The following FSCN1 variants were observed in gnomAD, a reference collection of about 807,000 sequenced individuals.
The protein encoded by FSCN1 is fascin.
FSCN1 carries 10 observed loss-of-function variants against 39.7 expected under a neutral mutation model. The observed-to-expected ratio is 0.25, with a 90% CI of 0.16 to 0.43. The LOEUF is 0.43. FSCN1 is among the 20% of genes least tolerant of loss of function. The pLI is 1.00. For missense variants in FSCN1, 525 were observed against 723.8 expected (o/e 0.73, Z 3.15); for synonymous variants, 322 against 320.0 (o/e 1.01, Z -0.07).
At chr7:5,594,562 C>T (rs1204881136) in intron 1 of FSCN1, 1 of 152,372 alleles carries the variant, frequency 6.6e-6, no homozygotes, top group Non-Finnish European at 1.5e-5. Context: ...TTGCGGTTCA[C>T]CCCTGCAGAG....
In FSCN1 at chr7:5,603,211, A is replaced by AG; in HGVS notation, c.833-41dup. 1 of 1,602,188 alleles carries AG rather than the reference A, an allele frequency of 6.2e-7. No individual in the cohort carries two copies. The highest frequency in any genetic ancestry group is 1.1e-5 in the South Asian group (1 of 90,598). On this transcript the variant is annotated intron_variant, in intron 1 of 4. Transcript: ENST00000382361. This position sits in a 1 kb window ranked among gnomAD's most constrained non-coding sequence, Gnocchi z 8.5. Reference sequence around the variant, plus strand: ...CTCAGGGCTATGGTCTGCCAGAACTAGGGGGCGTGGGGCCCCAGTACCAGC... The same window carrying AG: ...CTCAGGGCTATGGTCTGCCAGAACTAGGGGGGCGTGGGGCCCCAGTACCAGC...
intron 1 of FSCN1, among the ~76,000 whole-genome samples, chr7:5,600,306 C>G (rs1221674319): frequency 2.0e-5 from 3 of 151,398 alleles, no homozygotes; most frequent in African/African-American, 7.3e-5. Context: ...CCCAGCTACT[C>G]AGGAGGCTGA....
intron 1 of FSCN1, among the ~76,000 whole-genome samples, chr7:5,596,698 C>T (rs1018356265): frequency 1.3e-5 from 2 of 152,306 alleles, no homozygotes; most frequent in African/African-American, 4.8e-5. Flanking sequence ...TGGGACATGC[C>T]CTCTCCCAGC....
chr7:5,601,703 G>C (rs141600803), intron 1 of FSCN1, among the ~76,000 whole-genome samples: 68 of 152,200 alleles, frequency 4.5e-4, no homozygotes, highest in Admixed American at 9.8e-4. Flanking sequence ...AACTTGATGT[G>C]GTGGTGTGTG....
rs1785886353 is a variant in FSCN1, at chr7:5,604,133, G to A, written c.1279+103G>A. The A allele has an allele frequency of 4.5e-6, 5 of 1,120,754 alleles. No homozygotes were observed. The Admixed American group carries it at 8.7e-5, about 20-fold the overall frequency. The allele number at this position is 1,120,754 out of a possible 1,614,324, so 69.4% of individuals were successfully genotyped here. A position where few individuals can be genotyped will look rare whatever the true frequency, so the allele number is the denominator to read the frequency against. ...CTGCATCCACACTGGACCCTGGCTT[G>A]GCTCAGGGCCATTCCAGGCCCTAAA... On this transcript the variant is annotated intron_variant, in intron 4 of 4. Transcript: ENST00000382361.
rs894621815 is a variant in FSCN1, at chr7:5,599,600, C to T, written c.833-3657C>T. Reference sequence around the variant, plus strand: ...GCAAAGGTGGGAGGACTGCTTGAGTCCTGGAGTTTGGGCAACATAGCGAGA... The same window carrying T: ...GCAAAGGTGGGAGGACTGCTTGAGTTCTGGAGTTTGGGCAACATAGCGAGA... On this transcript the variant is annotated intron_variant, in intron 1 of 4. Coordinates refer to ENST00000382361, the MANE Select transcript of FSCN1 (RefSeq NM_003088.4). This position sits in a 1 kb window ranked among gnomAD's most constrained non-coding sequence, Gnocchi z 5.6. Among the ~76,000 whole-genome samples, 1 of 151,856 alleles carries T rather than the reference C, an allele frequency of 6.6e-6. No homozygotes were observed. Among genetic ancestry groups the T allele is most frequent in the African/African-American group, 2.4e-5 (1 of 41,318 alleles).
At chr7:5,593,859 C>A in intron 1 of FSCN1, 91 bp downstream of exon 1, 1 of 916,386 alleles carries the variant, frequency 1.1e-6, no homozygotes, top group Non-Finnish European at 1.6e-6. Flanking sequence ...TTCTCGCTCG[C>A]GGCGCCGCTG....
rs551924288 is a variant in FSCN1 at position 5,596,367 on chromosome 7, C to T, written c.832+2599C>T. Among the ~76,000 whole-genome samples the T allele has an allele frequency of 3.3e-5, 5 of 152,336 alleles. No individual in the cohort carries two copies. In the East Asian group the frequency reaches 5.8e-4, roughly 18 times the overall value. ...CCTTTGAAAAACGCTGCGCCCTGCT[C>T]TTCAGCCTCAGTTTCCCCATCTGTA... is the stretch of plus-strand genomic sequence containing the variant. On this transcript the variant is annotated intron_variant, in intron 1 of 4. Coordinates refer to ENST00000382361, the MANE Select transcript of FSCN1 (RefSeq NM_003088.4).
chr7:5,597,698 AAAAC>A (rs1484688181), intron 1 of FSCN1, among the ~76,000 whole-genome samples: 13 of 151,554 alleles, frequency 8.6e-5, no homozygotes, highest in Non-Finnish European at 1.6e-4. Context: ...AAAAACAACC[AAAAC>A]AAACAAACAA....
At position 5,592,919 on chromosome 7, in the gene FSCN1, C is replaced by T. The variant is rs113466135; in HGVS notation, c.-18C>T. On this transcript the variant is annotated 5_prime_UTR_variant, in exon 1 of 5. Coordinates refer to ENST00000382361, the MANE Select transcript of FSCN1 (RefSeq NM_003088.4). The surrounding 1 kb of genome is among the most constrained non-coding windows in gnomAD (Gnocchi z 5.3). ...CCACCTCCCGGGGCCGCGCAGCGGC[C>T]TCTCGTCTACTGCCACCATGACCGC... 44,581 of 1,449,994 alleles carry T rather than the reference C, an allele frequency of 0.031. 855 individuals are homozygous for T. Among genetic ancestry groups the T allele is most frequent in the Non-Finnish European group, 0.037 (40,293 of 1,092,814 alleles). The allele number at this position is 1,449,994 out of a possible 1,614,324, so 89.8% of individuals were successfully genotyped here.
chr7:5,596,939 G>A (rs1379365171), intron 1 of FSCN1, among the ~76,000 whole-genome samples: 1 of 152,214 alleles, frequency 6.6e-6, no homozygotes, highest in Admixed American at 6.5e-5. Flanking sequence ...TGGAAGGAGT[G>A]CCTGTTTTGA....
At position 5,605,235 on chromosome 7, in the gene FSCN1, A is replaced by G; in HGVS notation, c.1280-37A>G. ...CTGCCCAGGGTAGGGGTGGGGAGCC[A>G]GGCTTTGGGCCCCACTTGATAAAGT... is the stretch of plus-strand genomic sequence containing the variant. On this transcript the variant is annotated intron_variant, in intron 4 of 4. Coordinates refer to ENST00000382361, the MANE Select transcript of FSCN1 (RefSeq NM_003088.4). This position sits in a 1 kb window ranked among gnomAD's most constrained non-coding sequence, Gnocchi z 6.9. 6.5e-7 allele frequency: 1 copy of G among 1,529,188 alleles called. No homozygotes were observed. Among genetic ancestry groups the G allele is most frequent in the Non-Finnish European group, 9.0e-7 (1 of 1,105,064 alleles). The allele number at this position is 1,529,188 out of a possible 1,614,324, so 94.7% of individuals were successfully genotyped here.
intron 1 of FSCN1, 75 bp downstream of exon 1, chr7:5,593,843 C>G: frequency 6.0e-6 from 6 of 1,004,914 alleles, no homozygotes; most frequent in Non-Finnish European, 8.5e-6. Flanking sequence ...TCCAGCCTCC[C>G]GCCCTTTCTC....
rs201344792 is a variant in FSCN1, at chr7:5,603,484, G to A, written c.990-12G>A. On this transcript the variant is annotated splice_polypyrimidine_tract_variant and intron_variant, in intron 2 of 4. Transcript: ENST00000382361. The surrounding 1 kb of genome is among the most constrained non-coding windows in gnomAD (Gnocchi z 8.5). ...GGGCTACCCCGCCTGACCCTGTCCCGCCATCCCCCAGGAATGCCAGCTGCT... is the reference window on the plus strand; with the variant it reads ...GGGCTACCCCGCCTGACCCTGTCCCACCATCCCCCAGGAATGCCAGCTGCT... 1.1e-4 allele frequency: 175 copies of A among 1,613,988 alleles called. 1 individual carries two copies. The African/African-American group carries it at 1.8e-3, about 17-fold the overall frequency.
chr7:5,601,252 G>C (rs1319658441), intron 1 of FSCN1, among the ~76,000 whole-genome samples: 1 of 146,040 alleles, frequency 6.8e-6, no homozygotes, highest in African/African-American at 2.6e-5. Context: ...GCCCAGGCTG[G>C]AGTGCAGTGG....
At chr7:5,594,928 CTCTT>C (rs1356496566) in intron 1 of FSCN1, 1 of 152,472 alleles carries the variant, frequency 6.6e-6, no homozygotes, top group Non-Finnish European at 1.5e-5. Context: ...CTGTGCGCCA[CTCTT>C]TCCCTTCTTT....
At position 5,593,378 on chromosome 7, in the gene FSCN1, A is replaced by T. The variant is rs970657337; in HGVS notation, c.442A>T (p.Thr148Ser). The T allele has an allele frequency of 6.2e-7, 1 of 1,612,096 alleles. No homozygotes were observed. The highest frequency in any genetic ancestry group is 8.5e-7 in the Non-Finnish European group (1 of 1,179,802). ...MHPQVNIYSVTRKRYAHLSAR... is the reference protein window; with the variant it reads ...MHPQVNIYSVSRKRYAHLSAR... ...CCCTCAGGTCAACATCTACAGCGTC[A>T]CCCGTAAGCGCTACGCGCACCTGAG... is the stretch of plus-strand genomic sequence containing the variant. Residue 148 changes from threonine to serine, a missense_variant, in exon 1 of 5, where the codon ACC becomes TCC. Physicochemically the swap from Thr to Ser is moderately conservative, Grantham distance 58. Coordinates refer to ENST00000382361, the MANE Select transcript of FSCN1 (RefSeq NM_003088.4).
intron 1 of FSCN1, chr7:5,594,538 G>A (rs529838780): frequency 6.6e-6 from 1 of 152,442 alleles, no homozygotes; most frequent in East Asian, 1.9e-4. Flanking sequence ...CGGGGCGGGG[G>A]AGGGGATCGG....
intron 1 of FSCN1, among the ~76,000 whole-genome samples, chr7:5,598,315 G>A (rs1482006770): frequency 2.0e-5 from 3 of 152,272 alleles, no homozygotes; most frequent in African/African-American, 7.2e-5. Context: ...TGGGGACTGA[G>A]TCGTGGTACA....
Sources: allele counts gnomAD v4.1 joint callset (sites outside exome capture counted in the v4.1 genomes callset), GRCh38; gene constraint gnomAD v4.1.1; non-coding constraint Gnocchi (gnomAD v3.1); transcripts MANE v1.5; gene names NCBI Gene and HGNC (gene_info 2026-07-23, HGNC 2026-07-21).